SH2D3C: variants seen among roughly 807,000 people sequenced by gnomAD.
SH2D3C encodes the protein SH2 domain containing 3C, also known as SH2 domain-containing protein 3C.
Under a neutral mutation model 75.2 loss-of-function variants are expected in SH2D3C, and 25 were observed. The ratio of observed to expected loss-of-function variants is 0.33; its 90% CI spans 0.24 to 0.46. The LOEUF (loss-of-function observed/expected upper bound fraction) is 0.46, where lower values mean the gene tolerates loss of function less well. Ranked by LOEUF, SH2D3C falls within the 20% of genes least tolerant of loss-of-function variation. The pLI is 1.00. For synonymous variants in SH2D3C, 450 were observed against 473.7 expected, an observed-to-expected ratio of 0.95 and a Z score of 0.65; for missense variants, 933 against 1,165.3, an observed-to-expected ratio of 0.80 and a Z score of 2.90.
chr9:127,767,104 T>C, intron 2 of SH2D3C: 8 of 1,536,066 alleles, frequency 5.2e-6, no homozygotes, highest in Non-Finnish European at 6.1e-6. Flanking sequence ...CACATTCTGC[T>C]CCCTCTCCAC....
rs1052992103 is a variant in SH2D3C, at chr9:127,754,258, G to T, written c.556-2958C>A. 1.3e-5 allele frequency among the ~76,000 whole-genome samples: 2 copies of T among 152,176 alleles called. No homozygotes were observed. Among genetic ancestry groups the T allele is most frequent in the African/African-American group, 4.8e-5 (2 of 41,452 alleles). On this transcript the variant is annotated intron_variant, in intron 3 of 11. Coordinates refer to ENST00000314830, the MANE Select transcript of SH2D3C (RefSeq NM_170600.3). The surrounding 1 kb of genome is among the most constrained non-coding windows in gnomAD (Gnocchi z 4.4). ...CCGCCGCCGGCGGGGCAGTCCTTCA[G>T]GCGGGCTCCGCGAGCGTGTGTGAGC...
chr9:127,753,409 C>T (rs543604007), intron 3 of SH2D3C, among the ~76,000 whole-genome samples: 59 of 152,170 alleles, frequency 3.9e-4, no homozygotes, highest in African/African-American at 1.3e-3. Context: ...GGTGGTGGAC[C>T]CATGAAAATT....
Position 127,754,930 on chromosome 9 carries a change from GC to G in SH2D3C, c.556-3631del, listed in dbSNP as rs992432974. 1.2e-5 allele frequency: 6 copies of G among 511,340 alleles called. No homozygotes were observed. The highest frequency in any genetic ancestry group is 8.1e-5 in the African/African-American group (4 of 49,108). 31.7% of individuals were successfully genotyped at this position (511,340 alleles called of 1,614,324 possible). ...CCAGAGGTGAGGCTGGGGTGACCCC[GC>G]CCCCTCCCCGGGTCGGCCGGGCCCA... On this transcript the variant is annotated intron_variant, in intron 3 of 11. Coordinates refer to ENST00000314830, the MANE Select transcript of SH2D3C (RefSeq NM_170600.3). The surrounding 1 kb of genome is among the most constrained non-coding windows in gnomAD (Gnocchi z 4.4).
Position 127,738,934 on chromosome 9 carries a change from G to A in SH2D3C, c.2408-13C>T. 3 of 1,556,320 alleles carry A rather than the reference G, an allele frequency of 1.9e-6. No individual in the cohort carries two copies. Among genetic ancestry groups the A allele is most frequent in the East Asian group, 2.4e-5 (1 of 42,512 alleles). On this transcript the variant is annotated splice_polypyrimidine_tract_variant and intron_variant, in intron 11 of 11. Transcript: ENST00000314830. The surrounding 1 kb of genome is among the most constrained non-coding windows in gnomAD (Gnocchi z 5.0). The stretch of plus-strand genomic sequence containing the variant: ...CGGGCCTGGAACCCTGCAGTGTTGG[G>A]GCATAGGGTCAGGGCAGAGGCTGGG...
chr9:127,750,273 G>A (rs1050922729), intron 4 of SH2D3C, among the ~76,000 whole-genome samples: 5 of 152,076 alleles, frequency 3.3e-5, no homozygotes, highest in Admixed American at 3.3e-4. Flanking sequence ...TCCTGCCTCA[G>A]CCTCCTGAGT....
intron 3 of SH2D3C, among the ~76,000 whole-genome samples, chr9:127,757,629 TGATGATGATGATG>T (rs1845422081): frequency 1.6e-5 from 2 of 124,190 alleles, no homozygotes; most frequent in African/African-American, 3.0e-5. Context: ...ATGATGATGA[TGATGATGATGATG>T]ATGATTATTA....
Position 127,739,872 on chromosome 9 carries a change from G to A in SH2D3C, c.2217C>T (p.Ser739=), listed in dbSNP as rs752517768. Residue 739 remains serine, a synonymous_variant, in exon 11 of 12, where the codon AGC becomes AGT. Coordinates refer to ENST00000314830, the MANE Select transcript of SH2D3C (RefSeq NM_170600.3). This position sits in a 1 kb window ranked among gnomAD's most constrained non-coding sequence, Gnocchi z 4.3. ...LNEGKEGPPL[S]NTTFPHVLPL... is the part of the protein sequence containing the mutation. ...GCAGCACATGAGGAAACGTGGTGTTGCTCAGCGGCGGGCCTTCTGCAAGGA... is the reference window on the plus strand; with the variant it reads ...GCAGCACATGAGGAAACGTGGTGTTACTCAGCGGCGGGCCTTCTGCAAGGA... 3.2e-6 allele frequency: 5 copies of A among 1,540,816 alleles called. No individual in the cohort carries two copies. The highest frequency in any genetic ancestry group is 4.4e-6 in the Non-Finnish European group (5 of 1,137,986).
chr9:127,739,922 C>T lies in SH2D3C; in HGVS notation c.2201-34G>A. Reference sequence around the variant, plus strand: ...AGAAAGGCAGCAGGCGCTTAAAGATCCTGTAGTGCCCCACCATCCACTGCA... The same window carrying T: ...AGAAAGGCAGCAGGCGCTTAAAGATTCTGTAGTGCCCCACCATCCACTGCA... On this transcript the variant is annotated intron_variant, in intron 10 of 11. Transcript: ENST00000314830. This position sits in a 1 kb window ranked among gnomAD's most constrained non-coding sequence, Gnocchi z 4.3. 3 of 1,479,250 alleles carry T rather than the reference C, an allele frequency of 2.0e-6. No homozygotes were observed. Among genetic ancestry groups the T allele is most frequent in the East Asian group, 2.5e-5 (1 of 40,058 alleles). The allele number at this position is 1,479,250 out of a possible 1,614,324, so 91.6% of individuals were successfully genotyped here.
At chr9:127,747,726 G>C (rs1334602286) in intron 5 of SH2D3C, among the ~76,000 whole-genome samples, 1 of 152,098 alleles carries the variant, frequency 6.6e-6, no homozygotes, top group South Asian at 2.1e-4. Flanking sequence ...TTTTAGTAGA[G>C]ATGGGGTTTC....
chr9:127,741,854 C>T lies in SH2D3C; in HGVS notation c.2022G>A (p.Glu674=). ...ACATGTTGCCCATAGTCCCCCGCAG[C>T]TCGGCCGCCAGCTGAATGGTCTTGT... The part of the protein sequence containing the change: ...LLHKTIQLAA[E]LRGTMGNMFS... Residue 674 remains glutamate (E), a synonymous_variant, in exon 9 of 12, where the codon GAG becomes GAA. Coordinates refer to ENST00000314830, the MANE Select transcript of SH2D3C (RefSeq NM_170600.3). 2 of 1,613,378 alleles carry T rather than the reference C, an allele frequency of 1.2e-6. No homozygotes were observed. The highest frequency in any genetic ancestry group is 1.7e-6 in the Non-Finnish European group (2 of 1,180,026).
intron 2 of SH2D3C, among the ~76,000 whole-genome samples, chr9:127,772,273 G>A (rs957176401): frequency 3.8e-5 from 5 of 132,516 alleles, no homozygotes; most frequent in Non-Finnish European, 6.1e-5. Flanking sequence ...TTGGAGTCTC[G>A]CTTTGTCGCC....
chr9:127,745,046 AG>A lies in SH2D3C; in HGVS notation c.1317del (p.Ser440ProfsTer86). 1 of 1,511,110 alleles carries A rather than the reference AG, an allele frequency of 6.6e-7. No individual in the cohort carries two copies. Among genetic ancestry groups the A allele is most frequent in the Non-Finnish European group, 8.8e-7 (1 of 1,130,624 alleles). 93.6% of individuals were successfully genotyped at this position (1,511,110 alleles called of 1,614,324 possible). Reference sequence around the variant, plus strand: ...TCACTGGAACGGCGGGCGACAGGGGAGGCAGGCAATGCTGTGGCAGAAGGGG... The same window carrying A: ...TCACTGGAACGGCGGGCGACAGGGGAGCAGGCAATGCTGTGGCAGAAGGGG... ...PAAPSATALP[A>X]SPVARRSSEP... is the part of the protein sequence containing the mutation. On this transcript the variant is annotated frameshift_variant, in exon 7 of 12. Transcript: ENST00000314830. LOFTEE classifies it high-confidence loss of function.
chr9:127,766,873 T>C, intron 2 of SH2D3C: 2 of 1,476,810 alleles, frequency 1.4e-6, no homozygotes, highest in Non-Finnish European at 1.8e-6. Flanking sequence ...CCAGCTTCTT[T>C]CCTTCCTTCA....
At chr9:127,742,035 G>T in intron 8 of SH2D3C, 76 bp from the exon 9 acceptor site, 1 of 1,409,374 alleles carries the variant, frequency 7.1e-7, no homozygotes. Flanking sequence ...CGCTGCCTGT[G>T]GTTGGGCCGG....
rs201637826 is a variant in SH2D3C at position 127,774,423 on chromosome 9, G to A, written c.82C>T (p.Arg28Trp). 2.9e-5 allele frequency: 46 copies of A among 1,612,244 alleles called. No individual in the cohort carries two copies. Among genetic ancestry groups the A allele is most frequent in the Middle Eastern group, 1.6e-4 (1 of 6,080 alleles). Residue 28 changes from arginine (R) to tryptophan (W), a missense_variant, in exon 2 of 12, where the codon CGG becomes TGG. By Grantham distance (101) the Arg-to-Trp change is moderately radical. Coordinates refer to ENST00000314830, the MANE Select transcript of SH2D3C (RefSeq NM_170600.3). This position sits in a 1 kb window ranked among gnomAD's most constrained non-coding sequence, Gnocchi z 4.3. ...GAGGATCGTCTCAGAGTGAAGGACC[G>A]AGGGAGGTTGGAGAGACTCCCAAAG... Reference protein sequence around the residue: ...KGFGSLSNLPRSFTLRRSSAS... With the variant: ...KGFGSLSNLPWSFTLRRSSAS...
At chr9:127,766,954 A>AG (rs1234330158) in intron 2 of SH2D3C, 1 of 1,535,958 alleles carries the variant, frequency 6.5e-7, no homozygotes, top group Non-Finnish European at 8.7e-7. Flanking sequence ...CAGTCCTTAA[A>AG]GGCCCTGGGC....
chr9:127,744,505 C>T, intron 7 of SH2D3C, 59 bp downstream of exon 7: 2 of 1,528,682 alleles, frequency 1.3e-6, no homozygotes, highest in Non-Finnish European at 8.8e-7. Context: ...CAGCTTCTCA[C>T]TGCCCTGCCC....
chr9:127,763,231 C>T (rs752742804), intron 2 of SH2D3C, among the ~76,000 whole-genome samples: 1 of 152,200 alleles, frequency 6.6e-6, no homozygotes, highest in Non-Finnish European at 1.5e-5. Flanking sequence ...CTTGAATAGT[C>T]CCTCATTCCT....
intron 1 of SH2D3C, among the ~76,000 whole-genome samples, chr9:127,777,875 G>T (rs1420876623): frequency 6.6e-6 from 1 of 151,966 alleles, no homozygotes; most frequent in East Asian, 1.9e-4. Flanking sequence ...CAGAAACAAG[G>T]CGGGAAACAG....
Sources: allele counts gnomAD v4.1 joint callset (sites outside exome capture counted in the v4.1 genomes callset), GRCh38; gene constraint gnomAD v4.1.1; non-coding constraint Gnocchi (gnomAD v3.1); transcripts MANE v1.5; gene names NCBI Gene and HGNC (gene_info 2026-07-23, HGNC 2026-07-21).